MOK: variants seen among roughly 807,000 people sequenced by gnomAD.
MOK encodes MOK protein kinase, also known as MAPK/MAK/MRK overlapping kinase.
Under a neutral mutation model 54.2 loss-of-function variants are expected in MOK, and 59 were observed. The observed-to-expected ratio is 1.09, with a 90% confidence interval of 0.88 to 1.35. MOK has a LOEUF of 1.35. Ranked by LOEUF, MOK falls within the 40% of genes most tolerant of loss-of-function variation. The probability of loss-of-function intolerance (pLI) is 0.00; values close to 1 mark genes in which losing one functional copy is unlikely to be tolerated. For missense variants in MOK, 517 were observed against 526.2 expected, an observed-to-expected ratio of 0.98 and a Z score of 0.17; for synonymous variants, 210 against 202.7, an observed-to-expected ratio of 1.04 and a Z score of -0.31.
intron 1 of MOK, among the ~76,000 whole-genome samples, chr14:102,297,765 G>T (rs1045643675): frequency 1.3e-5 from 2 of 152,304 alleles, no homozygotes; most frequent in South Asian, 2.1e-4. Context: ...GGCTCAGCGG[G>T]CCCCGCACTA....
At chr14:102,294,241 TCAAC>T (rs2071147326) in intron 1 of MOK, among the ~76,000 whole-genome samples, 4 of 151,954 alleles carry the variant, frequency 2.6e-5, no homozygotes, top group Non-Finnish European at 1.5e-5. Flanking sequence ...GGTCAGGAGA[TCAAC>T]ACCATCCTGG....
intron 2 of MOK, among the ~76,000 whole-genome samples, chr14:102,271,314 T>C (rs2068336848): frequency 6.6e-6 from 1 of 152,194 alleles, no homozygotes; most frequent in Admixed American, 6.6e-5. Context: ...CTTGAGGTCA[T>C]TCCTTGTTCC....
At chr14:102,242,471 C>T (rs1470080753) in intron 7 of MOK, among the ~76,000 whole-genome samples, 7 of 152,040 alleles carry the variant, frequency 4.6e-5, no homozygotes, top group African/African-American at 1.7e-4. Context: ...GCCTCCTTCA[C>T]ATCTTCCCCT....
At chr14:102,262,914 C>A (rs949703709) in intron 4 of MOK, among the ~76,000 whole-genome samples, 2 of 152,198 alleles carry the variant, frequency 1.3e-5, no homozygotes, top group African/African-American at 4.8e-5. Context: ...GTTCTGACAT[C>A]TAACACAACC....
rs1451895727 is a variant in MOK at position 102,238,304 on chromosome 14, G to A, written c.591-4515C>T. 2 of 152,118 alleles carry A rather than the reference G, an allele frequency of 1.3e-5. No homozygotes were observed. Among genetic ancestry groups the A allele is most frequent in the Non-Finnish European group, 2.9e-5 (2 of 68,052 alleles). 9.4% of individuals were successfully genotyped at this position (152,118 alleles called of 1,614,324 possible). On this transcript the variant is annotated intron_variant, in intron 7 of 11. Transcript: ENST00000361847. The surrounding 1 kb of genome is among the most constrained non-coding windows in gnomAD (Gnocchi z 4.8). ...GCCCTAACCCTTTCCAAAGGCAAAC[G>A]AGTCAACACTTACACAGACTCCAAA...
Position 102,276,832 on chromosome 14 carries a change from C to A in MOK, c.122+6646G>T, listed in dbSNP as rs114194779. On this transcript the variant is annotated intron_variant, in intron 2 of 11. Coordinates refer to ENST00000361847, the MANE Select transcript of MOK (RefSeq NM_014226.3). Reference sequence around the variant, plus strand: ...GAAAAAGAAAAAATGAAATATGCACCAGTAGAATTTCTGTATTTCTTTTGT... The same window carrying A: ...GAAAAAGAAAAAATGAAATATGCACAAGTAGAATTTCTGTATTTCTTTTGT... Among the ~76,000 whole-genome samples the A allele has an allele frequency of 4.6e-3, 693 of 151,368 alleles. 6 individuals are homozygous for A. The highest frequency in any genetic ancestry group is 0.016 in the African/African-American group (642 of 41,278).
At chr14:102,256,788 CAG>C (rs1652246573) in intron 4 of MOK, among the ~76,000 whole-genome samples, 1 of 151,844 alleles carries the variant, frequency 6.6e-6, no homozygotes. Flanking sequence ...CCTCTATAGT[CAG>C]AGTATGAGGG....
At chr14:102,223,787 C>G (rs1268659772), downstream of MOK, 2 of 152,158 alleles carry the variant, frequency 1.3e-5, no homozygotes, top group Non-Finnish European at 2.9e-5. Flanking sequence ...AGCCCCCTCA[C>G]CAGTCACACT....
chr14:102,219,459 A>C, the MOK span, among the ~76,000 whole-genome samples: 1 of 152,234 alleles, frequency 6.6e-6, no homozygotes, highest in Non-Finnish European at 1.5e-5. Context: ...GGGCCACAGC[A>C]GGCCCAGCAC....
intron 4 of MOK, among the ~76,000 whole-genome samples, chr14:102,253,241 C>T (rs924814766): frequency 6.6e-6 from 1 of 152,172 alleles, no homozygotes; most frequent in Non-Finnish European, 1.5e-5. Flanking sequence ...TATTTTGATC[C>T]ATACATACAA....
intron 1 of MOK, among the ~76,000 whole-genome samples, chr14:102,286,981 ATAC>A (rs1438225285): frequency 2.0e-5 from 3 of 151,822 alleles, no homozygotes; most frequent in Non-Finnish European, 4.4e-5. Context: ...CACAGAATTA[ATAC>A]TGGCTCTGTC....
In MOK at chr14:102,277,870, T is replaced by C. The variant is rs181787854; in HGVS notation, c.122+5608A>G. Among the ~76,000 whole-genome samples the C allele has an allele frequency of 2.5e-3, 383 of 152,318 alleles. 4 individuals carry two copies. The highest frequency in any genetic ancestry group is 8.4e-3 in the African/African-American group (350 of 41,570). On this transcript the variant is annotated intron_variant, in intron 2 of 11. Coordinates refer to ENST00000361847, the MANE Select transcript of MOK (RefSeq NM_014226.3). ...CACTTCAAGATATACAAATTTTGACTTTAAAAAACTGTATAACGTTATAGA... is the reference window on the plus strand; with the variant it reads ...CACTTCAAGATATACAAATTTTGACCTTAAAAAACTGTATAACGTTATAGA...
At chr14:102,239,126 AT>A (rs1178709900) in intron 7 of MOK, among the ~76,000 whole-genome samples, 2 of 152,058 alleles carry the variant, frequency 1.3e-5, no homozygotes, top group African/African-American at 4.8e-5. Context: ...CCCTGGCTTC[AT>A]TTCCCAAATC....
At chr14:102,301,488 T>C (rs938737365) in intron 1 of MOK, among the ~76,000 whole-genome samples, 11 of 152,060 alleles carry the variant, frequency 7.2e-5, no homozygotes, top group Admixed American at 1.3e-4. Context: ...TACAAAAATA[T>C]ACCTAGAAAA....
intron 2 of MOK, among the ~76,000 whole-genome samples, chr14:102,272,183 C>T (rs2068429091): frequency 6.6e-6 from 1 of 152,190 alleles, no homozygotes; most frequent in African/African-American, 2.4e-5. Context: ...CTAACAAAGA[C>T]TTTTATATAA....
intron 7 of MOK, among the ~76,000 whole-genome samples, chr14:102,247,902 A>T (rs2066214845): frequency 6.6e-6 from 1 of 152,172 alleles, no homozygotes; most frequent in African/African-American, 2.4e-5. Context: ...TGCCCCTCTT[A>T]GGCCCAGCCA....
the MOK span, among the ~76,000 whole-genome samples, chr14:102,216,646 T>C: frequency 6.6e-6 from 1 of 152,192 alleles, no homozygotes; most frequent in Non-Finnish European, 1.5e-5. Context: ...TAGCTAGTTC[T>C]CAGCTGGGCA....
At chr14:102,216,945 T>C in the MOK span, among the ~76,000 whole-genome samples, 2 of 152,016 alleles carry the variant, frequency 1.3e-5, no homozygotes, top group Non-Finnish European at 2.9e-5. Context: ...AGAAAAAAAA[T>C]AGCCATTTCT....
At chr14:102,285,911 C>G (rs1597554853) in intron 1 of MOK, among the ~76,000 whole-genome samples, 1 of 151,818 alleles carries the variant, frequency 6.6e-6, no homozygotes, top group African/African-American at 2.4e-5. Context: ...AAATAAAATA[C>G]AATACCCCTG....
Sources: gnomAD v4.1 joint callset for allele counts (sites outside exome capture counted in the v4.1 genomes callset) on GRCh38, gnomAD v4.1.1 for gene constraint, Gnocchi (gnomAD v3.1) non-coding constraint, MANE v1.5 for transcripts, NCBI Gene and HGNC (gene_info 2026-07-23, HGNC 2026-07-21) for gene names.